The following ATP10B variants were observed in gnomAD, a reference collection of about 807,000 sequenced individuals.
ATP10B encodes ATPase phospholipid transporting 10B (putative), also known as phospholipid-transporting ATPase VB.
Under a neutral mutation model 141.2 loss-of-function variants are expected in ATP10B, and 122 were observed. The observed-to-expected ratio is 0.86, with a 90% CI of 0.75 to 1.00. The LOEUF is 1.00. Ranked by LOEUF, ATP10B falls within the 50% of genes least tolerant of loss-of-function variation. ATP10B has a pLI of 0.00. For missense variants in ATP10B, 1,876 were observed against 1,825.3 expected (o/e 1.03, Z -0.51); for synonymous variants, 685 against 692.0 (o/e 0.99, Z 0.16).
intron 2 of ATP10B, among the ~76,000 whole-genome samples, chr5:160,783,538 G>GAT (rs1242702158): frequency 3.1e-5 from 4 of 129,196 alleles, no homozygotes; most frequent in South Asian, 4.9e-4. Flanking sequence ...ATATATGGTT[G>GAT]ATATATATAT....
chr5:160,822,511 T>C (rs1297566170), intron 1 of ATP10B, among the ~76,000 whole-genome samples: 1 of 152,088 alleles, frequency 6.6e-6, no homozygotes, highest in Non-Finnish European at 1.5e-5. Flanking sequence ...TTTTCATAGG[T>C]ATATACCCCA....
intron 1 of ATP10B, among the ~76,000 whole-genome samples, chr5:160,808,635 G>C (rs1310960932): frequency 2.0e-5 from 3 of 152,010 alleles, no homozygotes; most frequent in Non-Finnish European, 4.4e-5. Context: ...CCAAACTCTT[G>C]GTATGACTGG....
chr5:160,929,156 G>A, the ATP10B span, among the ~76,000 whole-genome samples: 1 of 152,140 alleles, frequency 6.6e-6, no homozygotes, highest in Non-Finnish European at 1.5e-5. Context: ...CCCCAGGCTG[G>A]CAATTGGTGG....
At chr5:160,604,945 G>A (rs912897122) in intron 19 of ATP10B, among the ~76,000 whole-genome samples, 7 of 152,214 alleles carry the variant, frequency 4.6e-5, no homozygotes, top group Non-Finnish European at 1.0e-4. Context: ...TTTCTGTAAA[G>A]GGTCAGGTGG....
chr5:160,909,031 G>T, the ATP10B span, among the ~76,000 whole-genome samples: 1 of 152,106 alleles, frequency 6.6e-6, no homozygotes, highest in African/African-American at 2.4e-5. Flanking sequence ...CGAGGCTCTG[G>T]GGAATGAATG....
intron 2 of ATP10B, among the ~76,000 whole-genome samples, chr5:160,783,861 A>T (rs1348644452): frequency 1.3e-5 from 2 of 151,990 alleles, no homozygotes; most frequent in Non-Finnish European, 2.9e-5. Context: ...GCAGTGTAGA[A>T]GTGTTCCCTG....
intron 1 of ATP10B, among the ~76,000 whole-genome samples, chr5:160,791,820 C>T (rs1771592953): frequency 6.6e-6 from 1 of 152,104 alleles, no homozygotes; most frequent in Admixed American, 6.6e-5. Flanking sequence ...GGATTCTTAT[C>T]ACTAAGGAAA....
chr5:160,900,265 TTCTC>T, the ATP10B span, among the ~76,000 whole-genome samples: 7 of 152,226 alleles, frequency 4.6e-5, no homozygotes, highest in Admixed American at 2.0e-4. Context: ...CACATTTTCT[TTCTC>T]TTTTATTCTT....
At chr5:160,671,493 G>A (rs768143952) in intron 6 of ATP10B, among the ~76,000 whole-genome samples, 11 of 152,110 alleles carry the variant, frequency 7.2e-5, no homozygotes, top group Non-Finnish European at 1.5e-4. Context: ...AGGAAGATCC[G>A]GAGCCACACT....
intron 3 of ATP10B, among the ~76,000 whole-genome samples, chr5:160,699,175 TAA>T (rs990037424): frequency 4.6e-5 from 7 of 152,178 alleles, no homozygotes; most frequent in Non-Finnish European, 8.8e-5. Context: ...TCTTGGGAAA[TAA>T]AAAGACAGTG....
intron 1 of ATP10B, among the ~76,000 whole-genome samples, chr5:160,850,780 A>G (rs1039603875): frequency 1.3e-5 from 2 of 152,194 alleles, no homozygotes; most frequent in Non-Finnish European, 2.9e-5. Flanking sequence ...ATACTCTTTA[A>G]AAAATACATG....
At chr5:160,669,676 T>C (rs997917065) in intron 7 of ATP10B, among the ~76,000 whole-genome samples, 4 of 144,040 alleles carry the variant, frequency 2.8e-5, no homozygotes, top group African/African-American at 1.0e-4. Flanking sequence ...CTTAGCTCAC[T>C]GCAACCTCTG....
intron 6 of ATP10B, among the ~76,000 whole-genome samples, chr5:160,674,208 A>G (rs1324047752): frequency 6.6e-6 from 1 of 152,232 alleles, no homozygotes; most frequent in Non-Finnish European, 1.5e-5. Flanking sequence ...GTTGGCCAGT[A>G]TCTGCATACA....
In ATP10B at chr5:160,617,347, A is replaced by C. The variant is rs573787496; in HGVS notation, c.2526+517T>G. The stretch of plus-strand genomic sequence containing the variant: ...TGAGTGCAATGTGATAGGGAGAGGT[A>C]GAGAGTGGTAGGGACTGTGGCCAAC... On this transcript the variant is annotated intron_variant, in intron 16 of 25. Transcript: ENST00000327245. Among the ~76,000 whole-genome samples, 25 of 148,278 alleles carry C rather than the reference A, an allele frequency of 1.7e-4. 1 individual carries two copies. In the South Asian group the frequency reaches 2.1e-3, roughly 12 times the overall value.
intron 3 of ATP10B, among the ~76,000 whole-genome samples, chr5:160,700,593 CCT>C (rs2127760329): frequency 6.6e-6 from 1 of 152,284 alleles, no homozygotes; most frequent in East Asian, 1.9e-4. Context: ...ACTTTTCATT[CCT>C]CTGTTTTGTC....
At chr5:160,926,493 T>C in the ATP10B span, among the ~76,000 whole-genome samples, 1 of 152,172 alleles carries the variant, frequency 6.6e-6, no homozygotes, top group African/African-American at 2.4e-5. Context: ...AAGGAGAGAC[T>C]TAAAAACAGG....
At chr5:160,699,081 G>A (rs1764532721) in intron 3 of ATP10B, among the ~76,000 whole-genome samples, 1 of 152,166 alleles carries the variant, frequency 6.6e-6, no homozygotes, top group Non-Finnish European at 1.5e-5. Context: ...GTTCTCCCTT[G>A]AAAACTCGAA....
At chr5:160,829,974 A>T (rs963939808) in intron 1 of ATP10B, among the ~76,000 whole-genome samples, 1 of 152,006 alleles carries the variant, frequency 6.6e-6, no homozygotes, top group Non-Finnish European at 1.5e-5. Context: ...TCTGACTAGG[A>T]CTTCCAGTAC....
chr5:160,767,427 C>T (rs1225119030), intron 2 of ATP10B, among the ~76,000 whole-genome samples: 3 of 152,032 alleles, frequency 2.0e-5, no homozygotes, highest in East Asian at 1.9e-4. Context: ...CCAAATGAAG[C>T]GACTGTGCTT....
Sources: gnomAD v4.1 joint callset for allele counts (sites outside exome capture counted in the v4.1 genomes callset) on GRCh38, gnomAD v4.1.1 for gene constraint, MANE v1.5 for transcripts, NCBI Gene and HGNC (gene_info 2026-07-23, HGNC 2026-07-21) for gene names.